Variants in BTG4 observed in about 807,000 individuals in gnomAD.
BTG4 encodes BTG anti-proliferation factor 4.
Under a neutral mutation model 19.3 loss-of-function variants are expected in BTG4, and 10 were observed. The observed-to-expected ratio is 0.52, with a 90% CI of 0.32 to 0.88. The LOEUF (loss-of-function observed/expected upper bound fraction) is 0.88, where lower values mean the gene tolerates loss of function less well. Ranked by LOEUF, BTG4 falls within the 40% of genes least tolerant of loss-of-function variation. The pLI, the probability that BTG4 is intolerant of heterozygous loss-of-function variation, is 0.04. For missense variants in BTG4, 238 were observed against 281.9 expected (o/e 0.84, Z 1.11); for synonymous variants, 91 against 95.7 (o/e 0.95, Z 0.29).
At chr11:111,503,252 T>C (rs1866215069) in intron 1 of BTG4, among the ~76,000 whole-genome samples, 1 of 152,190 alleles carries the variant, frequency 6.6e-6, no homozygotes, top group South Asian at 2.1e-4. Flanking sequence ...TGAAGTTCAG[T>C]GGAAGAGTCG....
intron 5 of BTG4, among the ~76,000 whole-genome samples, chr11:111,482,210 A>C (rs1343852491): frequency 6.6e-6 from 1 of 152,108 alleles, no homozygotes; most frequent in African/African-American, 2.4e-5. Context: ...GAAACTAAAA[A>C]TATAACACCA....
chr11:111,513,090 C>A (rs1867068492), upstream of BTG4: 1 of 434,488 alleles, frequency 2.3e-6, no homozygotes, highest in Non-Finnish European at 5.0e-6. Context: ...AGAGAAGATG[C>A]CTGAGAAGCG....
the BTG4 span, among the ~76,000 whole-genome samples, chr11:111,424,400 C>A: frequency 6.6e-6 from 1 of 152,206 alleles, no homozygotes; most frequent in Non-Finnish European, 1.5e-5. Flanking sequence ...TGAGTTAACG[C>A]GAAAATGCTG....
At chr11:111,407,392 C>T in the BTG4 span, among the ~76,000 whole-genome samples, 3 of 152,076 alleles carry the variant, frequency 2.0e-5, no homozygotes, top group South Asian at 2.1e-4. Flanking sequence ...CATAATGGGC[C>T]GGGTGCGGTG....
At chr11:111,410,542 T>C in the BTG4 span, among the ~76,000 whole-genome samples, 1 of 152,224 alleles carries the variant, frequency 6.6e-6, no homozygotes, top group African/African-American at 2.4e-5. Flanking sequence ...TGTCTCTCCA[T>C]GCACGGAGAG....
intron 5 of BTG4, among the ~76,000 whole-genome samples, chr11:111,481,444 C>T (rs774820406): frequency 5.9e-5 from 9 of 151,572 alleles, no homozygotes; most frequent in Non-Finnish European, 1.3e-4. Flanking sequence ...GAAGTGTTTA[C>T]AGTATGTATA....
At chr11:111,408,253 C>G in the BTG4 span, among the ~76,000 whole-genome samples, 1 of 152,240 alleles carries the variant, frequency 6.6e-6, no homozygotes, top group Non-Finnish European at 1.5e-5. Flanking sequence ...ATTTATTTCC[C>G]TTACGTCCTC....
intron 1 of BTG4, among the ~76,000 whole-genome samples, chr11:111,504,506 C>A (rs1340349007): frequency 6.6e-6 from 1 of 152,008 alleles, no homozygotes; most frequent in African/African-American, 2.4e-5. Context: ...TGAGCATTCA[C>A]AATGTAAGTG....
Position 111,497,243 on chromosome 11 carries a change from G to C in BTG4, c.478C>G (p.Pro160Ala). The C allele has an allele frequency of 6.2e-7, 1 of 1,613,342 alleles. No homozygotes were observed. Among genetic ancestry groups the C allele is most frequent in the Non-Finnish European group, 8.5e-7 (1 of 1,179,648 alleles). Reference protein sequence around the residue: ...ESCSKEPRVIPKVSNPKSIYQ... With the variant: ...ESCSKEPRVIAKVSNPKSIYQ... ...ATACTCTTCGGATTGCTGACTTTAG[G>C]AATGACACGAGGTTCCTTGCTACAA... The change falls in exon 4 of 5, where the codon CCT (proline) becomes GCT (alanine). Residue 160 changes from proline (P) to alanine (A), a missense_variant. By Grantham distance (27) the Pro-to-Ala change is conservative (BLOSUM62 -1). Transcript: ENST00000692032.
chr11:111,440,083 C>G, the BTG4 span, among the ~76,000 whole-genome samples: 1 of 152,168 alleles, frequency 6.6e-6, no homozygotes, highest in African/African-American at 2.4e-5. Flanking sequence ...TGGGGTTACT[C>G]TGTGATCTGG....
the BTG4 span, among the ~76,000 whole-genome samples, chr11:111,413,955 A>T: frequency 2.0e-5 from 3 of 151,582 alleles, no homozygotes; most frequent in Non-Finnish European, 4.4e-5. Flanking sequence ...CCTATCTAAG[A>T]CCCTCCCCTT....
At chr11:111,465,719 A>G (rs1863680650), downstream of BTG4, among the ~76,000 whole-genome samples, 1 of 152,182 alleles carries the variant, frequency 6.6e-6, no homozygotes, top group Non-Finnish European at 1.5e-5. Context: ...CAGGTAACAC[A>G]TTTTGGTGAG....
chr11:111,415,709 T>G, the BTG4 span, among the ~76,000 whole-genome samples: 1 of 150,416 alleles, frequency 6.6e-6, no homozygotes, highest in South Asian at 2.1e-4. Context: ...GCCTACGGGG[T>G]GGGGGAAAAT....
At chr11:111,463,045 G>A (rs139302178), downstream of BTG4, 21 of 152,842 alleles carry the variant, frequency 1.4e-4, no homozygotes, top group Middle Eastern at 3.4e-3. Context: ...TGTGTTGTAG[G>A]TGGTTCAGCG....
chr11:111,435,373 G>A, the BTG4 span, among the ~76,000 whole-genome samples: 5 of 152,144 alleles, frequency 3.3e-5, no homozygotes, highest in African/African-American at 7.2e-5. Context: ...CCACCGCCAC[G>A]GGTGGGAAGG....
the BTG4 span, among the ~76,000 whole-genome samples, chr11:111,439,043 T>C: frequency 2.0e-5 from 3 of 152,320 alleles, no homozygotes; most frequent in East Asian, 5.8e-4. Context: ...GGCTGCCCCC[T>C]GTCCCGCACA....
chr11:111,501,632 C>A (rs1866088042), intron 1 of BTG4, among the ~76,000 whole-genome samples: 1 of 152,068 alleles, frequency 6.6e-6, no homozygotes, highest in South Asian at 2.1e-4. Context: ...TTATAGGTAA[C>A]AATTGTTGTA....
the BTG4 span, among the ~76,000 whole-genome samples, chr11:111,394,532 C>T: frequency 6.6e-6 from 1 of 152,226 alleles, no homozygotes; most frequent in African/African-American, 2.4e-5. Context: ...CCCCCACCAG[C>T]CACATGGAAC....
intron 5 of BTG4, among the ~76,000 whole-genome samples, chr11:111,478,660 A>C (rs1325767564): frequency 1.3e-5 from 2 of 152,074 alleles, no homozygotes; most frequent in African/African-American, 4.8e-5. Flanking sequence ...AAGTCACAGC[A>C]AAAAAATCGA....
Sources: allele counts gnomAD v4.1 joint callset (sites outside exome capture counted in the v4.1 genomes callset), GRCh38; gene constraint gnomAD v4.1.1; transcripts MANE v1.5; gene names NCBI Gene and HGNC (gene_info 2026-07-23, HGNC 2026-07-21).